Variants in PROSER3 observed in about 807,000 individuals in gnomAD.
The protein encoded by PROSER3 is proline and serine-rich protein 3.
In PROSER3, 33 loss-of-function variants were observed where a neutral mutation model predicts 50.2. The ratio of observed to expected loss-of-function variants is 0.66; its 90% CI spans 0.50 to 0.88. The LOEUF is 0.88. Ranked by LOEUF, PROSER3 falls within the 40% of genes least tolerant of loss-of-function variation. PROSER3 has a pLI of 0.00. For missense variants in PROSER3, 623 were observed against 612.7 expected, an observed-to-expected ratio of 1.02 and a Z score of -0.18; for synonymous variants, 266 against 259.3, an observed-to-expected ratio of 1.03 and a Z score of -0.25.
chr19:35,758,191 C>T (rs774181765), exon 1 of PROSER3: 1 of 1,557,444 alleles, frequency 6.4e-7, no homozygotes, highest in African/African-American at 1.4e-5. Flanking sequence ...AGCAGAGCGG[C>T]CGGAAGCGCG....
intron 1 of PROSER3, 23 bp downstream of exon 1, chr19:35,758,249 G>A (rs751301719): frequency 3.2e-6 from 5 of 1,561,446 alleles, no homozygotes; most frequent in Non-Finnish European, 4.3e-6. Flanking sequence ...GCTCTTCCAG[G>A]GACTACAGGA....
intron 8 of PROSER3, 21 bp from the exon 9 acceptor site, chr19:35,767,051 A>C: frequency 7.3e-7 from 1 of 1,368,940 alleles, no homozygotes; most frequent in South Asian, 1.5e-5. Context: ...TCTGTCTCAG[A>C]TCTCTCTTAT....
At chr19:35,759,573 A>C in intron 2 of PROSER3, 103 bp downstream of exon 2, 1 of 1,183,814 alleles carries the variant, frequency 8.4e-7, no homozygotes, top group Non-Finnish European at 1.2e-6. Context: ...TGAGAGATTT[A>C]AGAGACAGCC....
At chr19:35,761,998 C>T in intron 3 of PROSER3, 21 bp from the exon 4 acceptor site, 2 of 1,575,708 alleles carry the variant, frequency 1.3e-6, no homozygotes, top group East Asian at 2.3e-5. Context: ...CCACTCACCT[C>T]CTATCCCCTG....
chr19:35,764,862 C>T, exon 6 of PROSER3: 1 of 1,613,482 alleles, frequency 6.2e-7, no homozygotes, highest in South Asian at 1.1e-5. Context: ...AGAACCTCCA[C>T]ACATGGAACT....
At chr19:35,758,381 C>G (rs926518453) in intron 1 of PROSER3, 155 bp downstream of exon 1, 1 of 1,012,358 alleles carries the variant, frequency 9.9e-7, no homozygotes, top group Non-Finnish European at 1.4e-6. Context: ...CCGTTGGCCT[C>G]TCCAGCCGTA....
chr19:35,764,973 CG>C, intron 6 of PROSER3, 37 bp downstream of exon 6: 1 of 1,612,642 alleles, frequency 6.2e-7, no homozygotes, highest in Non-Finnish European at 8.5e-7. Context: ...CTTCCTACTG[CG>C]GCTCCACGTG....
chr19:35,758,265 G>C, intron 1 of PROSER3, 39 bp downstream of exon 1: 1 of 1,556,584 alleles, frequency 6.4e-7, no homozygotes, highest in Non-Finnish European at 8.7e-7. Flanking sequence ...CAGGAGGCTG[G>C]GGAGGACCAA....
exon 8 of PROSER3, chr19:35,766,866 T>TGGC: frequency 6.4e-7 from 1 of 1,551,758 alleles, no homozygotes. Context: ...TCTGTACCAG[T>TGGC]GGCGGCAGCG....
exon 6 of PROSER3, chr19:35,764,854 A>C (rs1253457579): frequency 6.2e-7 from 1 of 1,613,134 alleles, no homozygotes; most frequent in Non-Finnish European, 8.5e-7. Flanking sequence ...CACCCTGCAG[A>C]ACCTCCACAC....
chr19:35,758,410 G>A (rs1970841366), intron 1 of PROSER3, 184 bp downstream of exon 1: 2 of 698,216 alleles, frequency 2.9e-6, no homozygotes, highest in Non-Finnish European at 4.4e-6. Context: ...CATCCCGGGG[G>A]TCCCCTAAGA....
chr19:35,766,923 G>A (rs929440917), exon 8 of PROSER3: 2 of 1,554,626 alleles, frequency 1.3e-6, no homozygotes, highest in African/African-American at 2.7e-5. Context: ...CAGAGCTTGG[G>A]TGCCGCCTCT....
chr19:35,762,218 C>G, intron 4 of PROSER3, 35 bp from the exon 5 acceptor site: 1 of 1,601,134 alleles, frequency 6.2e-7, no homozygotes, highest in Non-Finnish European at 8.6e-7. Flanking sequence ...GCAGCCACTC[C>G]TCCTGGCCCT....
Position 35,766,762 on chromosome 19 carries a change from C to T in PROSER3, c.770-6C>T, listed in dbSNP as rs1185780987. 8 of 1,545,178 alleles carry T rather than the reference C, an allele frequency of 5.2e-6. No individual in the cohort carries two copies. Among genetic ancestry groups the T allele is most frequent in the Non-Finnish European group, 3.5e-6 (4 of 1,142,694 alleles). On this transcript the variant is annotated splice_region_variant and splice_polypyrimidine_tract_variant and intron_variant, in intron 7 of 10. Transcript: ENST00000396908. Reference sequence around the variant, plus strand: ...CTCACCCTCTCCTCTCTACCTCCCCCTACAGCATCCCCGGCACCAGCCCAG... The same window carrying T: ...CTCACCCTCTCCTCTCTACCTCCCCTTACAGCATCCCCGGCACCAGCCCAG...
chr19:35,766,922 G>T lies in PROSER3; in HGVS notation c.924G>T (p.Trp308Cys), dbSNP rs907280072. 2.6e-6 allele frequency: 4 copies of T among 1,554,652 alleles called. No homozygotes were observed. In the African/African-American group the frequency reaches 4.1e-5, roughly 16 times the overall value. The change falls in exon 8 of 11, where the codon TGG (tryptophan) becomes TGT (cysteine). Residue 308 changes from tryptophan to cysteine, a missense_variant. By Grantham distance (215) the Trp-to-Cys change is radical. This residue lies in a region of PROSER3 where 380 missense variants were observed against 346.8 expected (regional missense o/e 1.10). Coordinates refer to ENST00000396908, the Ensembl canonical transcript of PROSER3. The stretch of plus-strand genomic sequence containing the variant: ...AGGGAAGCAAGGGTGACAGAGCTTG[G>T]GTGCCGCCTCTGACCCCTGCCCTCC...
intron 1 of PROSER3, 107 bp from the exon 2 acceptor site, chr19:35,759,267 C>T: frequency 2.3e-6 from 2 of 853,278 alleles, no homozygotes; most frequent in Non-Finnish European, 3.7e-6. Flanking sequence ...CAGTCCGTCT[C>T]CTCCAGGAAT....
chr19:35,762,280 C>G, exon 5 of PROSER3: 1 of 1,612,248 alleles, frequency 6.2e-7, no homozygotes, highest in South Asian at 1.1e-5. Context: ...GAAGGAAGAC[C>G]CCATACAGCT....
chr19:35,764,875 TC>T lies in PROSER3; in HGVS notation c.568del (p.Leu190CysfsTer7), dbSNP rs761947750. 1.2e-6 allele frequency: 2 copies of T among 1,613,648 alleles called. No individual in the cohort carries two copies. The highest frequency in any genetic ancestry group is 1.7e-6 in the Non-Finnish European group (2 of 1,179,776). On this transcript the variant is annotated frameshift_variant, in exon 6 of 11. Transcript: ENST00000396908. LOFTEE classifies it high-confidence loss of function. ...GCAGAACCTCCACACATGGAACTCA[TC>T]CCTGCTGGACCTGGAGACGCTGAGC...
chr19:35,764,810 C>G (rs745345822), intron 5 of PROSER3, 44 bp from the exon 6 acceptor site: 1 of 1,549,364 alleles, frequency 6.5e-7, no homozygotes, highest in Non-Finnish European at 8.8e-7. Flanking sequence ...CCCTTCCCAG[C>G]AGCCTTTGGG....
Sources: gnomAD v4.1 joint callset for allele counts on GRCh38, gnomAD v4.1.1 for gene constraint, gnomAD v4.1.1 regional missense constraint, MANE v1.5 for transcripts, NCBI Gene and HGNC (gene_info 2026-07-23, HGNC 2026-07-21) for gene names.